Variants in SVIL observed in about 807,000 individuals in gnomAD.
SVIL encodes the protein supervillin, also known as archvillin.
Under a neutral mutation model 240.4 loss-of-function variants are expected in SVIL, and 101 were observed. The observed-to-expected ratio is 0.42, with a 90% CI of 0.36 to 0.50. The LOEUF (loss-of-function observed/expected upper bound fraction) is 0.50. Ranked by LOEUF, SVIL falls within the 20% of genes least tolerant of loss-of-function variation. SVIL has a pLI of 0.01. For synonymous variants in SVIL, 999 were observed against 1,100.0 expected (o/e 0.91, Z 1.82); for missense variants, 2,512 against 2,818.7 (o/e 0.89, Z 2.46).
At chr10:29,722,323 A>G (rs1165949042) in intron 1 of SVIL, among the ~76,000 whole-genome samples, 1 of 152,042 alleles carries the variant, frequency 6.6e-6, no homozygotes, top group Non-Finnish European at 1.5e-5. Context: ...TCTACTGAAA[A>G]GATTTATCTG....
chr10:29,502,209 T>G (rs1483656453), intron 17 of SVIL, among the ~76,000 whole-genome samples: 1 of 152,212 alleles, frequency 6.6e-6, no homozygotes, highest in Non-Finnish European at 1.5e-5. Flanking sequence ...TGCTACTTAG[T>G]AGGGTTAGCT....
rs1564464997 is a variant in SVIL at position 29,471,088 on chromosome 10, T to C, written c.5635+50A>G. On this transcript the variant is annotated intron_variant, in intron 31 of 37. Coordinates refer to ENST00000355867, the MANE Select transcript of SVIL (RefSeq NM_021738.3). The stretch of plus-strand genomic sequence containing the variant: ...CAGCCCCCAGCTTATAAAAATTCTT[T>C]CCAAGAGAGGGAAAGGCAAAGTCGA... 4 of 1,529,442 alleles carry C rather than the reference T, an allele frequency of 2.6e-6. No individual in the cohort carries two copies. The South Asian group carries it at 4.7e-5, about 18-fold the overall frequency. The allele number at this position is 1,529,442 out of a possible 1,614,324, so 94.7% of individuals were successfully genotyped here.
At chr10:29,575,765 T>C (rs889676245) in intron 1 of SVIL, among the ~76,000 whole-genome samples, 4 of 152,208 alleles carry the variant, frequency 2.6e-5, no homozygotes, top group Non-Finnish European at 5.9e-5. Flanking sequence ...AAGAATATCA[T>C]GACACGGTTT....
chr10:29,669,911 C>A (rs1270296702), intron 2 of SVIL, among the ~76,000 whole-genome samples: 1 of 152,030 alleles, frequency 6.6e-6, no homozygotes, highest in Admixed American at 6.6e-5. Context: ...TCCAAGAGTT[C>A]AAGACCAGCC....
intron 1 of SVIL, among the ~76,000 whole-genome samples, chr10:29,733,435 C>G (rs1964728929): frequency 6.6e-6 from 1 of 152,076 alleles, no homozygotes; most frequent in Non-Finnish European, 1.5e-5. Context: ...AGCGATCCTC[C>G]CACCTCAGCA....
rs967819832 is a variant in SVIL, at chr10:29,484,292, A to G, written c.4955+364T>C. On this transcript the variant is annotated intron_variant, in intron 27 of 37. Transcript: ENST00000355867. This position sits in a 1 kb window ranked among gnomAD's most constrained non-coding sequence, Gnocchi z 4.7. ...ATGTTGCTTTTGCACTTTCAGATCA[A>G]TGGCTGAATTCCAGACCCGGGGAAG... 1.3e-4 allele frequency among the ~76,000 whole-genome samples: 20 copies of G among 152,192 alleles called. No homozygotes were observed. The highest frequency in any genetic ancestry group is 4.6e-4 in the African/African-American group (19 of 41,446).
intron 1 of SVIL, among the ~76,000 whole-genome samples, chr10:29,594,910 C>T (rs957919959): frequency 4.0e-4 from 61 of 152,216 alleles, no homozygotes; most frequent in Non-Finnish European, 1.3e-4. Context: ...AACAAACACA[C>T]CTCTGGGTTG....
chr10:29,558,907 G>A (rs1954190249), intron 3 of SVIL, among the ~76,000 whole-genome samples: 1 of 148,520 alleles, frequency 6.7e-6, no homozygotes, highest in Admixed American at 6.8e-5. Context: ...CAGCCTGAGT[G>A]ACAGAGTGTG....
At chr10:29,644,198 G>C (rs1958582551) in intron 3 of SVIL, among the ~76,000 whole-genome samples, 1 of 152,150 alleles carries the variant, frequency 6.6e-6, no homozygotes, top group South Asian at 2.1e-4. Context: ...GACCTGGGAG[G>C]CTCTTCCCTT....
chr10:29,505,519 G>T (rs73596034), intron 17 of SVIL, among the ~76,000 whole-genome samples: 3 of 151,892 alleles, frequency 2.0e-5, no homozygotes, highest in African/African-American at 7.3e-5. Flanking sequence ...GCCAAGGACT[G>T]GGCGGTGAGA....
chr10:29,536,669 G>T (rs11007645), intron 6 of SVIL, among the ~76,000 whole-genome samples: 2 of 152,000 alleles, frequency 1.3e-5, no homozygotes, highest in African/African-American at 4.8e-5. Flanking sequence ...CAGCACTTTG[G>T]GAGGCCGGGG....
rs760698492 is a variant in SVIL at position 29,507,620 on chromosome 10, C to CACACA, written c.3516+5114_3516+5115insTGTGT. On this transcript the variant is annotated intron_variant, in intron 17 of 37. Transcript: ENST00000355867. ...TGCCACACACACACACACACACACA[C>CACACA]ACCTCTCTTTCAAAGTGAAATGCAC... 3.6e-3 allele frequency: 1,015 copies of CACACA among 284,798 alleles called. 36 individuals carry two copies. The South Asian group carries it at 0.081, about 23-fold the overall frequency. The allele number at this position is 284,798 out of a possible 1,614,324, so 17.6% of individuals were successfully genotyped here. A position where few individuals can be genotyped will look rare whatever the true frequency, so the allele number is the denominator to read the frequency against.
intron 3 of SVIL, among the ~76,000 whole-genome samples, chr10:29,656,604 A>T (rs1959013754): frequency 6.6e-6 from 1 of 152,190 alleles, no homozygotes; most frequent in Non-Finnish European, 1.5e-5. Flanking sequence ...AATGAAACTC[A>T]CCAGATCACA....
chr10:29,727,586 C>G (rs542442321), intron 1 of SVIL, among the ~76,000 whole-genome samples: 18 of 152,210 alleles, frequency 1.2e-4, no homozygotes, highest in African/African-American at 4.3e-4. Context: ...AATAGCCAAA[C>G]CACCTGGGAT....
intron 37 of SVIL, 49 bp from the exon 38 acceptor site, chr10:29,458,382 C>A (rs757427792): frequency 8.1e-6 from 13 of 1,595,476 alleles, no homozygotes; most frequent in Admixed American, 5.2e-5. Flanking sequence ...AGGAGCCGGG[C>A]GTGCGTGTGT....
At chr10:29,505,388 A>C (rs1214608348) in intron 17 of SVIL, among the ~76,000 whole-genome samples, 1 of 152,108 alleles carries the variant, frequency 6.6e-6, no homozygotes, top group Admixed American at 6.5e-5. Context: ...GACACAGAGG[A>C]ATCGTAAATG....
intron 2 of SVIL, among the ~76,000 whole-genome samples, chr10:29,684,171 G>A (rs1164604309): frequency 6.6e-6 from 1 of 152,052 alleles, no homozygotes; most frequent in East Asian, 1.9e-4. Flanking sequence ...TCCAGTTCAG[G>A]GAGGCTCTTC....
chr10:29,695,921 G>C (rs1157995232), intron 1 of SVIL, among the ~76,000 whole-genome samples: 1 of 56,048 alleles, frequency 1.8e-5, no homozygotes, highest in African/African-American at 1.1e-4. Flanking sequence ...TCCCTCTCCC[G>C]TCTCCCTCTC....
In SVIL at chr10:29,487,187, A is replaced by G. The variant is rs142293200; in HGVS notation, c.4461T>C (p.Phe1487=). 3.9e-4 allele frequency: 633 copies of G among 1,613,922 alleles called. 11 individuals are homozygous for G. The South Asian group carries it at 5.0e-3, about 13-fold the overall frequency. Residue 1487 remains phenylalanine (F), a synonymous_variant, in exon 24 of 38, where the codon TTT becomes TTC. Transcript: ENST00000355867. ...CCTTCGCCTTTTCTATGACGTTTGC[A>G]AACTCTCCTACCCACAGGAAGCAGC... The part of the protein sequence containing the change: ...PHCCFLWVGE[F]ANVIEKAKAS...
Sources: allele counts gnomAD v4.1 joint callset (sites outside exome capture counted in the v4.1 genomes callset), GRCh38; gene constraint gnomAD v4.1.1; non-coding constraint Gnocchi (gnomAD v3.1); transcripts MANE v1.5; gene names NCBI Gene and HGNC (gene_info 2026-07-23, HGNC 2026-07-21).